Variants in SLC2A9 observed in about 807,000 individuals in gnomAD.
SLC2A9 encodes the protein solute carrier family 2 member 9, also known as solute carrier family 2, facilitated glucose transporter member 9.
SLC2A9 carries 39 observed loss-of-function variants against 50.6 expected under a neutral mutation model. That is an observed-to-expected ratio of 0.77 (90% confidence interval 0.60 to 1.01). The LOEUF (loss-of-function observed/expected upper bound fraction) is 1.01. Ranked by LOEUF, SLC2A9 falls within the 50% of genes least tolerant of loss-of-function variation. The pLI is 0.00. For missense variants in SLC2A9, 686 were observed against 677.6 expected, an observed-to-expected ratio of 1.01 and a Z score of -0.14; for synonymous variants, 324 against 276.9, an observed-to-expected ratio of 1.17 and a Z score of -1.69.
chr4:9,998,831 C>T (rs1378424849), intron 2 of SLC2A9, among the ~76,000 whole-genome samples: 10 of 152,138 alleles, frequency 6.6e-5, no homozygotes, highest in Admixed American at 1.3e-4. Flanking sequence ...TGAATGAATA[C>T]AGCTCTGTCC....
chr4:9,907,243 A>G (rs1740848108), intron 8 of SLC2A9, among the ~76,000 whole-genome samples: 1 of 152,246 alleles, frequency 6.6e-6, no homozygotes, highest in South Asian at 2.1e-4. Context: ...GCTACAAAAA[A>G]GAAGAGACAC....
At chr4:9,920,628 T>G in intron 6 of SLC2A9, 56 bp from the exon 7 acceptor site, 1 of 1,599,136 alleles carries the variant, frequency 6.3e-7, no homozygotes, top group Non-Finnish European at 8.6e-7. Context: ...CCATCATGTC[T>G]AATGCTGGGC....
chr4:10,023,231 G>A (rs1009768999), upstream of SLC2A9, among the ~76,000 whole-genome samples: 1 of 152,224 alleles, frequency 6.6e-6, no homozygotes, highest in Non-Finnish European at 1.5e-5. Flanking sequence ...CCTGCAGTGT[G>A]TGGGAGGAAG....
In SLC2A9 at chr4:10,018,589, T is replaced by TAGATAGATAGATAGACAAAC. The variant is rs1553915108; in HGVS notation, c.249+385_249+386insGTTTGTCTATCTATCTATCT. Among the ~76,000 whole-genome samples the TAGATAGATAGATAGACAAAC allele has an allele frequency of 5.5e-3, 831 of 151,062 alleles. 4 individuals are homozygous for TAGATAGATAGATAGACAAAC. The highest frequency in any genetic ancestry group is 0.019 in the African/African-American group (776 of 40,968). On this transcript the variant is annotated intron_variant, in intron 2 of 11. Coordinates refer to ENST00000264784, the MANE Select transcript of SLC2A9 (RefSeq NM_020041.3). ...ATAGATAGATAGATAGATAGATAGA[T>TAGATAGATAGATAGACAAAC]AACAACAACAACAAAACAAATCAAG...
intron 10 of SLC2A9, among the ~76,000 whole-genome samples, chr4:9,836,068 A>G (rs1241773040): frequency 6.8e-6 from 1 of 147,134 alleles, no homozygotes; most frequent in East Asian, 2.0e-4. Context: ...AGCCTGGGCA[A>G]CAAGAGTGAA....
At chr4:9,891,347 A>G (rs1737386534) in intron 8 of SLC2A9, among the ~76,000 whole-genome samples, 1 of 152,322 alleles carries the variant, frequency 6.6e-6, no homozygotes, top group African/African-American at 2.4e-5. Flanking sequence ...TCAACTGCCA[A>G]TGACTGAAAG....
At chr4:9,942,104 G>A (rs1440148820) in intron 5 of SLC2A9, 59 bp from the exon 6 acceptor site, 2 of 1,608,774 alleles carry the variant, frequency 1.2e-6, no homozygotes, top group South Asian at 1.1e-5. Context: ...TGAGGGGACT[G>A]GGCCACTGGA....
At chr4:9,842,397 G>T (rs764228810) in intron 10 of SLC2A9, among the ~76,000 whole-genome samples, 1 of 152,154 alleles carries the variant, frequency 6.6e-6, no homozygotes, top group Non-Finnish European at 1.5e-5. Context: ...TGTGGTTTGC[G>T]ACCTTTACTT....
chr4:9,908,185 G>T, intron 8 of SLC2A9, 50 bp downstream of exon 8: 1 of 1,224,650 alleles, frequency 8.2e-7, no homozygotes, highest in Non-Finnish European at 1.2e-6. Context: ...TTCCCACTGT[G>T]CTGTGTAACC....
chr4:9,941,398 T>C (rs950745384), intron 6 of SLC2A9, among the ~76,000 whole-genome samples: 2 of 152,184 alleles, frequency 1.3e-5, no homozygotes, highest in African/African-American at 4.8e-5. Flanking sequence ...CTCGAAGGAC[T>C]GTTGGCAAGG....
At chr4:9,950,892 C>CAAAAAAAAAA (rs764863059) in intron 5 of SLC2A9, among the ~76,000 whole-genome samples, 1 of 11,550 alleles carries the variant, frequency 8.7e-5, no homozygotes, top group East Asian at 0.013. Flanking sequence ...GACTCCGTCT[C>CAAAAAAAAAA]AAAAAAAAAA....
At chr4:9,849,739 A>C (rs1024094959) in intron 10 of SLC2A9, among the ~76,000 whole-genome samples, 4 of 152,192 alleles carry the variant, frequency 2.6e-5, no homozygotes, top group Non-Finnish European at 5.9e-5. Context: ...ACACAATTAA[A>C]GTCTCTCAGA....
At chr4:9,783,915 C>A (rs1455554635) in intron 3 of SLC2A9, 5 of 174,082 alleles carry the variant, frequency 2.9e-5, no homozygotes. Flanking sequence ...GTGCTTATGT[C>A]ATTTCTTCTC....
intron 1 of SLC2A9, among the ~76,000 whole-genome samples, chr4:10,033,340 T>C (rs1252249253): frequency 1.3e-5 from 2 of 152,164 alleles, no homozygotes; most frequent in Non-Finnish European, 2.9e-5. Context: ...CCCAGGCGGC[T>C]TCCTTCTGAC....
At chr4:9,884,334 C>T (rs1489902160) in intron 10 of SLC2A9, among the ~76,000 whole-genome samples, 3 of 152,108 alleles carry the variant, frequency 2.0e-5, no homozygotes, top group Non-Finnish European at 2.9e-5. Flanking sequence ...GCAATGCTGC[C>T]ATCATAGCTC....
rs574354703 is a variant in SLC2A9, at chr4:9,958,616, T to C, written c.682-16571A>G. On this transcript the variant is annotated intron_variant, in intron 5 of 11. Coordinates refer to ENST00000264784, the MANE Select transcript of SLC2A9 (RefSeq NM_020041.3). ...GTAACAAACCTGCATGTTCTGCACATGTATCGCAGAACTTAAAGTACAATA... is the reference window on the plus strand; with the variant it reads ...GTAACAAACCTGCATGTTCTGCACACGTATCGCAGAACTTAAAGTACAATA... Among the ~76,000 whole-genome samples the C allele has an allele frequency of 2.6e-5, 4 of 152,276 alleles. No homozygotes were observed. In the East Asian group the frequency reaches 7.7e-4, roughly 29 times the overall value.
chr4:9,933,727 A>G (rs1746556282), intron 6 of SLC2A9, among the ~76,000 whole-genome samples: 1 of 152,194 alleles, frequency 6.6e-6, no homozygotes, highest in Non-Finnish European at 1.5e-5. Context: ...CAGAATCTGA[A>G]GCAGGTGTCA....
intron 6 of SLC2A9, among the ~76,000 whole-genome samples, chr4:9,930,564 G>A (rs990944982): frequency 6.6e-6 from 1 of 152,236 alleles, no homozygotes; most frequent in Non-Finnish European, 1.5e-5. Flanking sequence ...ATGCTTCATG[G>A]AAGAGGTTGG....
downstream of SLC2A9, among the ~76,000 whole-genome samples, chr4:9,779,551 A>C (rs1407010595): frequency 6.6e-6 from 1 of 151,580 alleles, no homozygotes; most frequent in Non-Finnish European, 1.5e-5. Flanking sequence ...AGTAGCTGGG[A>C]CTACAGGCGC....
Sources: allele counts gnomAD v4.1 joint callset (sites outside exome capture counted in the v4.1 genomes callset), GRCh38; gene constraint gnomAD v4.1.1; transcripts MANE v1.5; gene names NCBI Gene and HGNC (gene_info 2026-07-23, HGNC 2026-07-21).